CRIM1: variants seen among roughly 807,000 people sequenced by gnomAD.
The protein encoded by CRIM1 is cysteine rich transmembrane BMP regulator 1.
Under a neutral mutation model 116.4 loss-of-function variants are expected in CRIM1, and 32 were observed. The ratio of observed to expected loss-of-function variants is 0.27; its 90% CI spans 0.21 to 0.37. The LOEUF (loss-of-function observed/expected upper bound fraction) is 0.37, where lower values mean the gene tolerates loss of function less well. Among genes scored for constraint, CRIM1 ranks in the 10% least tolerant of loss-of-function variants. The pLI is 1.00. For missense variants in CRIM1, 1,331 were observed against 1,354.8 expected (o/e 0.98, Z 0.28); for synonymous variants, 590 against 509.2 (o/e 1.16, Z -2.13).
At chr2:36,515,449 T>C (rs1272405866) in intron 11 of CRIM1, among the ~76,000 whole-genome samples, 1 of 152,190 alleles carries the variant, frequency 6.6e-6, no homozygotes, top group East Asian at 1.9e-4. Flanking sequence ...TTTCTGCAAA[T>C]CTTTAGCATG....
At chr2:36,545,599 A>G (rs1667269705) in intron 15 of CRIM1, among the ~76,000 whole-genome samples, 1 of 152,182 alleles carries the variant, frequency 6.6e-6, no homozygotes, top group Admixed American at 6.5e-5. Context: ...GAATCGTATT[A>G]AAGACTGATA....
At chr2:36,361,804 A>G (rs1669241415) in intron 1 of CRIM1, among the ~76,000 whole-genome samples, 1 of 152,128 alleles carries the variant, frequency 6.6e-6, no homozygotes, top group South Asian at 2.1e-4. Flanking sequence ...TTCCTGTAAC[A>G]CTGTGTTCCG....
chr2:36,375,880 A>G (rs753306275), intron 1 of CRIM1, among the ~76,000 whole-genome samples: 1 of 152,248 alleles, frequency 6.6e-6, no homozygotes, highest in Non-Finnish European at 1.5e-5. Flanking sequence ...TCATAGGATA[A>G]TGACATTAGC....
At chr2:36,367,362 T>C (rs1219945892) in intron 1 of CRIM1, among the ~76,000 whole-genome samples, 2 of 152,190 alleles carry the variant, frequency 1.3e-5, no homozygotes, top group African/African-American at 4.8e-5. Flanking sequence ...AAGGTGAATA[T>C]TACAGAATTC....
intron 2 of CRIM1, among the ~76,000 whole-genome samples, chr2:36,423,177 G>T (rs1006748978): frequency 6.6e-6 from 1 of 152,176 alleles, no homozygotes; most frequent in Non-Finnish European, 1.5e-5. Context: ...AATTTAGGCA[G>T]TTTGTTTTCA....
At chr2:36,495,471 A>ATTTTT (rs1395233806) in intron 7 of CRIM1, among the ~76,000 whole-genome samples, 68 of 134,162 alleles carry the variant, frequency 5.1e-4, no homozygotes, top group South Asian at 1.2e-3. Context: ...TTATTTATTT[A>ATTTTT]TTTATTTTTT....
intron 1 of CRIM1, among the ~76,000 whole-genome samples, chr2:36,396,134 T>A (rs575333845): frequency 3.3e-5 from 5 of 152,226 alleles, no homozygotes; most frequent in African/African-American, 1.2e-4. Context: ...GGTCATGAAC[T>A]CCTGGGCTCA....
At chr2:36,492,259 C>CT (rs747555281) in intron 7 of CRIM1, among the ~76,000 whole-genome samples, 2 of 152,120 alleles carry the variant, frequency 1.3e-5, no homozygotes, top group Non-Finnish European at 2.9e-5. Context: ...ATAAACTGCT[C>CT]TGAGATAAGT....
At chr2:36,377,135 T>C (rs1260438942) in intron 1 of CRIM1, among the ~76,000 whole-genome samples, 1 of 152,210 alleles carries the variant, frequency 6.6e-6, no homozygotes, top group Non-Finnish European at 1.5e-5. Flanking sequence ...TTTCTGCTGT[T>C]CAGAGCTCAG....
chr2:36,512,700 C>A (rs1455190349), intron 10 of CRIM1, among the ~76,000 whole-genome samples: 1 of 152,210 alleles, frequency 6.6e-6, no homozygotes, highest in Non-Finnish European at 1.5e-5. Context: ...CTCTATAGAG[C>A]TTCTCTCTGT....
At chr2:36,399,172 A>G (rs997684632) in intron 2 of CRIM1, among the ~76,000 whole-genome samples, 1 of 152,234 alleles carries the variant, frequency 6.6e-6, no homozygotes, top group Non-Finnish European at 1.5e-5. Context: ...AGATTATGAA[A>G]TGTCTTAAAC....
chr2:36,442,996 T>C (rs1009247533), intron 4 of CRIM1, among the ~76,000 whole-genome samples: 1 of 152,146 alleles, frequency 6.6e-6, no homozygotes, highest in Admixed American at 6.5e-5. Flanking sequence ...CTGGGACCTA[T>C]ATAAGCAAAT....
intron 7 of CRIM1, among the ~76,000 whole-genome samples, chr2:36,498,475 A>G (rs1459309795): frequency 6.6e-6 from 1 of 152,244 alleles, no homozygotes; most frequent in African/African-American, 2.4e-5. Flanking sequence ...ATAAATACAT[A>G]ATATGCTTTA....
intron 8 of CRIM1, among the ~76,000 whole-genome samples, chr2:36,506,022 C>T (rs1219096673): frequency 1.3e-5 from 2 of 151,966 alleles, no homozygotes; most frequent in African/African-American, 4.8e-5. Flanking sequence ...ATTTATTTTC[C>T]AACTTGCTTA....
chr2:36,466,729 G>A lies in CRIM1; in HGVS notation c.991+2074G>A, dbSNP rs557986608. On this transcript the variant is annotated intron_variant, in intron 5 of 16. Coordinates refer to ENST00000280527, the MANE Select transcript of CRIM1 (RefSeq NM_016441.3). Reference sequence around the variant, plus strand: ...CATGAGCCAGTGAATGATCTAATTCGTATCATCTTAGTTCCCTCTAGAGGT... The same window carrying A: ...CATGAGCCAGTGAATGATCTAATTCATATCATCTTAGTTCCCTCTAGAGGT... Among the ~76,000 whole-genome samples the A allele has an allele frequency of 3.9e-5, 6 of 152,288 alleles. No individual in the cohort carries two copies. The South Asian group carries it at 6.2e-4, about 16-fold the overall frequency.
At chr2:36,431,884 A>G (rs1488677727) in intron 2 of CRIM1, among the ~76,000 whole-genome samples, 1 of 152,140 alleles carries the variant, frequency 6.6e-6, no homozygotes, top group African/African-American at 2.4e-5. Context: ...CTTTTTTCAA[A>G]TTGCTGTCAT....
In CRIM1 at chr2:36,523,467, A is replaced by G. The variant is rs534160156; in HGVS notation, c.2428+1154A>G. Among the ~76,000 whole-genome samples, 8 of 152,326 alleles carry G rather than the reference A, an allele frequency of 5.3e-5. No homozygotes were observed. The South Asian group carries it at 6.2e-4, about 12-fold the overall frequency. On this transcript the variant is annotated intron_variant, in intron 13 of 16. Transcript: ENST00000280527. ...GGAGCAAAACTAGTCCTATGGACATAAGCCAGATGCTGTTCCGAGGTCCAA... is the reference window on the plus strand; with the variant it reads ...GGAGCAAAACTAGTCCTATGGACATGAGCCAGATGCTGTTCCGAGGTCCAA...
At chr2:36,433,565 GC>G (rs1675064077) in intron 2 of CRIM1, among the ~76,000 whole-genome samples, 4 of 152,090 alleles carry the variant, frequency 2.6e-5, no homozygotes, top group Non-Finnish European at 1.5e-5. Flanking sequence ...TGGTTCTCAG[GC>G]CCAATTGCAC....
At chr2:36,483,907 A>G (rs1438994575) in intron 7 of CRIM1, among the ~76,000 whole-genome samples, 1 of 152,198 alleles carries the variant, frequency 6.6e-6, no homozygotes, top group Non-Finnish European at 1.5e-5. Flanking sequence ...TACTAGTTGA[A>G]GGAAGAATAA....
Sources: gnomAD v4.1 joint callset for allele counts (sites outside exome capture counted in the v4.1 genomes callset) on GRCh38, gnomAD v4.1.1 for gene constraint, MANE v1.5 for transcripts, NCBI Gene and HGNC (gene_info 2026-07-23, HGNC 2026-07-21) for gene names.